Variants in URGCP observed in about 807,000 individuals in gnomAD.
URGCP encodes the protein upregulator of cell proliferation, also known as up-regulator of cell proliferation.
URGCP carries 13 observed loss-of-function variants against 24.6 expected under a neutral mutation model. The ratio of observed to expected loss-of-function variants is 0.53; its 90% CI spans 0.34 to 0.84. The LOEUF is 0.84. Ranked by LOEUF, URGCP falls within the 40% of genes least tolerant of loss-of-function variation. URGCP has a pLI of 0.01. For synonymous variants in URGCP, 444 were observed against 487.2 expected, an observed-to-expected ratio of 0.91 and a Z score of 1.17; for missense variants, 899 against 1,194.3, an observed-to-expected ratio of 0.75 and a Z score of 3.64.
chr7:43,915,817 T>C (rs2132726873), intron 1 of URGCP, among the ~76,000 whole-genome samples: 1 of 152,354 alleles, frequency 6.6e-6, no homozygotes, highest in African/African-American at 2.4e-5. Context: ...GAGACTAGCC[T>C]GGCCAACATG....
Position 43,878,234 on chromosome 7 carries a change from A to G in URGCP, c.1229T>C (p.Ile410Thr). 2 of 1,614,072 alleles carry G rather than the reference A, an allele frequency of 1.2e-6. No homozygotes were observed. Among genetic ancestry groups the G allele is most frequent in the Non-Finnish European group, 1.7e-6 (2 of 1,180,034 alleles). The part of the protein sequence containing the change: ...FLNKLIPVLK[I>T]DHSHVLVKVS... ...CTTTACCAGGACATGTGAGTGGTCT[A>G]TTTTCAGCACAGGAATTAACTTATT... The change falls in exon 6 of 6, where the codon ATA becomes ACA. Residue 410 changes from isoleucine to threonine, a missense_variant. Ile to Thr is a moderately conservative substitution (Grantham distance 89, BLOSUM62 -1). Coordinates refer to ENST00000453200, the MANE Select transcript of URGCP (RefSeq NM_001077663.3). The surrounding 1 kb of genome is among the most constrained non-coding windows in gnomAD (Gnocchi z 5.6).
intron 1 of URGCP, among the ~76,000 whole-genome samples, chr7:43,897,735 A>C (rs1428991370): frequency 6.6e-6 from 1 of 152,156 alleles, no homozygotes; most frequent in African/African-American, 2.4e-5. Flanking sequence ...AAGGGATCAC[A>C]AACGCTCCAT....
chr7:43,906,272 G>A (rs1361488627), intron 1 of URGCP: 7 of 160,474 alleles, frequency 4.4e-5, no homozygotes, highest in Non-Finnish European at 7.9e-5. Context: ...GGGCACCTCC[G>A]GGCCTCGCGC....
At chr7:43,914,328 C>T (rs1283826622) in intron 1 of URGCP, among the ~76,000 whole-genome samples, 4 of 151,996 alleles carry the variant, frequency 2.6e-5, no homozygotes, top group Admixed American at 1.3e-4. Flanking sequence ...ATGGTAAAAC[C>T]GCATCTCTAA....
chr7:43,900,580 C>T (rs2095888774), intron 1 of URGCP, among the ~76,000 whole-genome samples: 4 of 151,940 alleles, frequency 2.6e-5, no homozygotes, highest in Admixed American at 2.6e-4. Flanking sequence ...ACAGGTAGGT[C>T]TCTGTCTCTT....
intron 3 of URGCP, among the ~76,000 whole-genome samples, chr7:43,886,283 C>T (rs2095861994): frequency 6.6e-6 from 1 of 152,158 alleles, no homozygotes; most frequent in African/African-American, 2.4e-5. Context: ...CCACTGTATC[C>T]AGCCTAAAAT....
At chr7:43,880,801 C>G (rs904420784) in intron 5 of URGCP, among the ~76,000 whole-genome samples, 1 of 152,148 alleles carries the variant, frequency 6.6e-6, no homozygotes, top group African/African-American at 2.4e-5. Flanking sequence ...GTTCCTTTCT[C>G]GAGAGAGGAA....
chr7:43,916,290 C>CT (rs926882394), intron 1 of URGCP, among the ~76,000 whole-genome samples: 17 of 152,164 alleles, frequency 1.1e-4, no homozygotes, highest in African/African-American at 4.1e-4. Context: ...ACGCTACAGG[C>CT]TTTTTTCCTT....
intron 3 of URGCP, among the ~76,000 whole-genome samples, chr7:43,884,256 G>T (rs560413450): frequency 6.6e-6 from 1 of 152,348 alleles, no homozygotes; most frequent in South Asian, 2.1e-4. Flanking sequence ...GCCATCAGCA[G>T]ATTGTGGGGC....
At chr7:43,899,049 G>A (rs2095884617) in intron 1 of URGCP, among the ~76,000 whole-genome samples, 1 of 149,734 alleles carries the variant, frequency 6.7e-6, no homozygotes, top group South Asian at 2.1e-4. Flanking sequence ...CAGGACAATC[G>A]CTTGATCCCG....
intron 3 of URGCP, among the ~76,000 whole-genome samples, chr7:43,885,073 T>C (rs1228898354): frequency 6.7e-6 from 1 of 150,352 alleles, no homozygotes; most frequent in Admixed American, 6.8e-5. Flanking sequence ...AAGCTATTAA[T>C]TGGAGTACTT....
chr7:43,877,910 A>G lies in URGCP; in HGVS notation c.1553T>C (p.Val518Ala), dbSNP rs2095847728. 1 of 1,613,846 alleles carries G rather than the reference A, an allele frequency of 6.2e-7. No individual in the cohort carries two copies. Among genetic ancestry groups the G allele is most frequent in the Non-Finnish European group, 8.5e-7 (1 of 1,180,008 alleles). Reference protein sequence around the residue: ...EKEFCQLQWAVDPPEKHRAEL... With the variant: ...EKEFCQLQWAADPPEKHRAEL... Reference sequence around the variant, plus strand: ...AGCCCTGTGCTTCTCAGGGGGGTCCACGGCCCACTGGAGCTGGCAGAACTC... The same window carrying G: ...AGCCCTGTGCTTCTCAGGGGGGTCCGCGGCCCACTGGAGCTGGCAGAACTC... Residue 518 changes from valine to alanine, a missense_variant, in exon 6 of 6, where the codon GTG (valine) becomes GCG (alanine). Physicochemically the swap from Val to Ala is moderately conservative, Grantham distance 64. Transcript: ENST00000453200.
At chr7:43,887,838 A>C in intron 1 of URGCP, 22 bp from the exon 2 acceptor site, 1 of 1,475,102 alleles carries the variant, frequency 6.8e-7, no homozygotes, top group Non-Finnish European at 9.2e-7. Context: ...ATTAAGATTT[A>C]GTTACAAAGA....
chr7:43,912,056 AGTTCT>A (rs1295926037), intron 1 of URGCP, among the ~76,000 whole-genome samples: 1 of 152,176 alleles, frequency 6.6e-6, no homozygotes, highest in Non-Finnish European at 1.5e-5. Context: ...CAGTGCAGTC[AGTTCT>A]AAGAGGGCAA....
At chr7:43,926,582 C>T (rs756888623), upstream of URGCP, 7 of 1,561,438 alleles carry the variant, frequency 4.5e-6, no homozygotes, top group Admixed American at 3.8e-5. Flanking sequence ...CCCTCCAACT[C>T]TTTGGGTGTC....
At chr7:43,911,595 G>A (rs2095910258), upstream of URGCP, among the ~76,000 whole-genome samples, 1 of 152,156 alleles carries the variant, frequency 6.6e-6, no homozygotes, top group Admixed American at 6.6e-5. Context: ...TACTTAGGAG[G>A]CTGAGGCAGG....
At chr7:43,907,732 C>A (rs902847800), upstream of URGCP, among the ~76,000 whole-genome samples, 2 of 152,146 alleles carry the variant, frequency 1.3e-5, no homozygotes, top group African/African-American at 4.8e-5. Flanking sequence ...CCCTTCCTCT[C>A]TGTGAAGATT....
In URGCP at chr7:43,877,244, C is replaced by G. The variant is rs1180100290; in HGVS notation, c.2219G>C (p.Ser740Thr). 2 of 1,614,134 alleles carry G rather than the reference C, an allele frequency of 1.2e-6. No individual in the cohort carries two copies. The highest frequency in any genetic ancestry group is 1.7e-6 in the Non-Finnish European group (2 of 1,180,020). The change falls in exon 6 of 6, where the codon AGC becomes ACC. Residue 740 changes from serine to threonine, a missense_variant. By Grantham distance (58) the Ser-to-Thr change is moderately conservative. Transcript: ENST00000453200. ...GATGTGGTCACAGCCCAGGTCCTGG[C>G]TGAAGCCCTCAGCCACTGTGATGAG... is the stretch of plus-strand genomic sequence containing the variant. ...MQLITVAEGFSQDLGCDHILV... is the reference protein window; with the variant it reads ...MQLITVAEGFTQDLGCDHILV...
At chr7:43,902,160 T>C (rs1185946934) in intron 1 of URGCP, among the ~76,000 whole-genome samples, 2 of 84,608 alleles carry the variant, frequency 2.4e-5, no homozygotes, top group Admixed American at 1.4e-4. Context: ...GAGGAGAAGA[T>C]GGTGGAGAGG....
Sources: allele counts gnomAD v4.1 joint callset (sites outside exome capture counted in the v4.1 genomes callset), GRCh38; gene constraint gnomAD v4.1.1; non-coding constraint Gnocchi (gnomAD v3.1); transcripts MANE v1.5; gene names NCBI Gene and HGNC (gene_info 2026-07-23, HGNC 2026-07-21).